Variants in RARS2 observed in about 807,000 individuals in gnomAD.
The protein encoded by RARS2 is probable arginine--tRNA ligase, mitochondrial.
In RARS2, 67 loss-of-function variants were observed where a neutral mutation model predicts 88.5. The observed-to-expected ratio is 0.76, with a 90% CI of 0.62 to 0.93. The LOEUF is 0.93. Ranked by LOEUF, RARS2 falls within the 40% of genes least tolerant of loss-of-function variation. The pLI, the probability that RARS2 is intolerant of heterozygous loss-of-function variation, is 0.00. For missense variants in RARS2, 664 were observed against 684.2 expected (o/e 0.97, Z 0.33); for synonymous variants, 239 against 230.3 (o/e 1.04, Z -0.34).
At chr6:87,528,242 C>CAAAAAAAAAAAAAAAAAAAAAAAAAAAAA (rs71018029) in intron 10 of RARS2, among the ~76,000 whole-genome samples, 1 of 119,694 alleles carries the variant, frequency 8.4e-6, no homozygotes. Flanking sequence ...GCTTTTATAA[C>CAAAAAAAAAAAAAAAAAAAAAAAAAAAAA]AAAAAAAAAA....
intron 5 of RARS2, among the ~76,000 whole-genome samples, chr6:87,551,887 C>T (rs1047166216): frequency 2.0e-5 from 3 of 152,134 alleles, no homozygotes; most frequent in Admixed American, 2.0e-4. Context: ...CATGATCTTA[C>T]AGAGCTGATT....
chr6:87,542,202 T>C (rs1403158577), intron 7 of RARS2, among the ~76,000 whole-genome samples: 1 of 152,196 alleles, frequency 6.6e-6, no homozygotes, highest in East Asian at 1.9e-4. Flanking sequence ...ACATACTGAA[T>C]AGATCACTGA....
intron 1 of RARS2, chr6:87,584,802 T>A (rs1174119966): frequency 6.7e-6 from 3 of 444,786 alleles, no homozygotes; most frequent in Non-Finnish European, 1.4e-5. Context: ...TGTGCAGTTA[T>A]CTACCCCAAG....
chr6:87,589,962 A>C lies in RARS2; in HGVS notation c.-5T>G. The C allele has an allele frequency of 6.2e-7, 1 of 1,614,038 alleles. No homozygotes were observed. The highest frequency in any genetic ancestry group is 8.5e-7 in the Non-Finnish European group (1 of 1,179,994). ...GCGGCGAAAGCCGCACGCCATGTCC[A>C]CCTCTACGGAAGTGCGCCGCAGTCC... On this transcript the variant is annotated 5_prime_UTR_variant, in exon 1 of 20. Coordinates refer to ENST00000369536, the MANE Select transcript of RARS2 (RefSeq NM_020320.5).
intron 14 of RARS2, 24 bp downstream of exon 14, chr6:87,519,559 T>G (rs997468729): frequency 6.2e-7 from 1 of 1,604,204 alleles, no homozygotes; most frequent in Non-Finnish European, 8.5e-7. Context: ...AGTTATGACT[T>G]TAATAAGAAA....
At chr6:87,564,633 C>T (rs1027255837) in intron 2 of RARS2, 1 of 325,534 alleles carries the variant, frequency 3.1e-6, no homozygotes, top group Admixed American at 4.2e-5. Context: ...TGTGCCACTG[C>T]ACTCCAGCCT....
intron 10 of RARS2, among the ~76,000 whole-genome samples, chr6:87,528,646 C>G (rs182914969): frequency 3.9e-5 from 6 of 152,272 alleles, no homozygotes; most frequent in Admixed American, 2.6e-4. Context: ...GCACAGAAAA[C>G]AAATACTGTA....
At chr6:87,560,749 C>T (rs1455748096) in intron 4 of RARS2, among the ~76,000 whole-genome samples, 1 of 152,088 alleles carries the variant, frequency 6.6e-6, no homozygotes, top group Non-Finnish European at 1.5e-5. Context: ...TAGCTGGGCG[C>T]GGTGGTGCAT....
chr6:87,555,395 G>C lies in RARS2; in HGVS notation c.395+13C>G, dbSNP rs1209678266. 1.9e-6 allele frequency: 3 copies of C among 1,601,246 alleles called. No individual in the cohort carries two copies. Among genetic ancestry groups the C allele is most frequent in the South Asian group, 2.2e-5 (2 of 90,798 alleles). On this transcript the variant is annotated intron_variant, in intron 5 of 19. Coordinates refer to ENST00000369536, the MANE Select transcript of RARS2 (RefSeq NM_020320.5). Reference sequence around the variant, plus strand: ...ACTTGATTAAGCAACACATAAAAGGGGTGCACCCTCACCTGAATTCAACCA... The same window carrying C: ...ACTTGATTAAGCAACACATAAAAGGCGTGCACCCTCACCTGAATTCAACCA...
chr6:87,572,318 T>G (rs914868479), intron 1 of RARS2, among the ~76,000 whole-genome samples: 1 of 151,540 alleles, frequency 6.6e-6, no homozygotes, highest in African/African-American at 2.4e-5. Context: ...TTAAAAAGTT[T>G]GTTTATTTTG....
At chr6:87,523,247 C>T (rs912012921) in intron 11 of RARS2, among the ~76,000 whole-genome samples, 20 of 152,118 alleles carry the variant, frequency 1.3e-4, no homozygotes, top group African/African-American at 4.8e-4. Flanking sequence ...AGCCAGAAGA[C>T]GTGCTAGGTC....
In RARS2 at chr6:87,588,260, A is replaced by AT. The variant is rs569267194; in HGVS notation, c.36+1661dup. Among the ~76,000 whole-genome samples the AT allele has an allele frequency of 3.5e-4, 53 of 152,264 alleles. 1 individual carries two copies. The East Asian group carries it at 6.8e-3, about 19-fold the overall frequency. ...CTGTCTACATTAACATGAATTTATT[A>AT]TTTTTTGTCTTCATTAGCATAACTT... is the stretch of plus-strand genomic sequence containing the variant. On this transcript the variant is annotated intron_variant, in intron 1 of 19. Transcript: ENST00000369536.
intron 1 of RARS2, among the ~76,000 whole-genome samples, chr6:87,586,902 T>G (rs1011487945): frequency 6.6e-6 from 1 of 151,212 alleles, no homozygotes; most frequent in African/African-American, 2.4e-5. Flanking sequence ...ATTTATTTAT[T>G]TATTTATTTA....
intron 1 of RARS2, among the ~76,000 whole-genome samples, chr6:87,587,955 T>C (rs1582931710): frequency 6.6e-6 from 1 of 152,066 alleles, no homozygotes; most frequent in Admixed American, 6.6e-5. Context: ...TATTTCTTTA[T>C]AGAGATGGGG....
In RARS2 at chr6:87,518,188, T is replaced by A. The variant is rs200632524; in HGVS notation, c.1492A>T (p.Ile498Phe). 6.2e-7 allele frequency: 1 copy of A among 1,614,158 alleles called. No homozygotes were observed. Among genetic ancestry groups the A allele is most frequent in the South Asian group, 1.1e-5 (1 of 91,080 alleles). Reference sequence around the variant, plus strand: ...TCATACCTGAGAAGATGCTGAAGAATTGAAACAGACTGTGGCTCTTGTAAA... The same window carrying A: ...TCATACCTGAGAAGATGCTGAAGAAATGAAACAGACTGTGGCTCTTGTAAA... ...ACLQEPQSVS[I>F]LQHLLRFDEV... Residue 498 changes from isoleucine to phenylalanine, a missense_variant, in exon 17 of 20, where the codon ATT becomes TTT. Physicochemically the swap from Ile to Phe is conservative, Grantham distance 21 (BLOSUM62 0). Transcript: ENST00000369536.
At chr6:87,554,893 GAGAT>G (rs1252041232) in intron 5 of RARS2, among the ~76,000 whole-genome samples, 1 of 152,138 alleles carries the variant, frequency 6.6e-6, no homozygotes, top group Non-Finnish European at 1.5e-5. Context: ...ACGAGGTCAG[GAGAT>G]GGAGACCATC....
chr6:87,526,021 T>C (rs569327693), intron 10 of RARS2, among the ~76,000 whole-genome samples: 1 of 152,208 alleles, frequency 6.6e-6, no homozygotes, highest in Admixed American at 6.5e-5. Context: ...AAAACACAGA[T>C]AAATGGAAAG....
intron 2 of RARS2, among the ~76,000 whole-genome samples, chr6:87,565,731 T>G (rs553538522): frequency 1.3e-3 from 204 of 152,348 alleles, no homozygotes; most frequent in African/African-American, 4.7e-3. Flanking sequence ...TCTATATAAC[T>G]ACTCACACTA....
chr6:87,544,128 A>G (rs1781873485), intron 7 of RARS2, among the ~76,000 whole-genome samples: 1 of 152,238 alleles, frequency 6.6e-6, no homozygotes, highest in Admixed American at 6.5e-5. Flanking sequence ...GCTAAAATTT[A>G]ATGAATACCC....
Sources: gnomAD v4.1 joint callset for allele counts (sites outside exome capture counted in the v4.1 genomes callset) on GRCh38, gnomAD v4.1.1 for gene constraint, MANE v1.5 for transcripts, NCBI Gene and HGNC (gene_info 2026-07-23, HGNC 2026-07-21) for gene names.